WWC1: variants seen among roughly 807,000 people sequenced by gnomAD.
The protein encoded by WWC1 is WW and C2 domain containing 1.
WWC1 carries 55 observed loss-of-function variants against 138.4 expected under a neutral mutation model. The ratio of observed to expected loss-of-function variants is 0.40; its 90% confidence interval spans 0.32 to 0.50. WWC1 has a LOEUF of 0.50. Ranked by LOEUF, WWC1 falls within the 20% of genes least tolerant of loss-of-function variation. The pLI is 0.72. For missense variants in WWC1, 1,226 were observed against 1,420.4 expected, an observed-to-expected ratio of 0.86 and a Z score of 2.20; for synonymous variants, 524 against 564.9, an observed-to-expected ratio of 0.93 and a Z score of 1.03.
intron 3 of WWC1, among the ~76,000 whole-genome samples, chr5:168,393,326 A>G (rs760156303): frequency 1.8e-4 from 27 of 152,196 alleles, no homozygotes; most frequent in Non-Finnish European, 3.5e-4. Context: ...CTCACTGTGG[A>G]ACTTCAAACA....
chr5:168,342,703 G>T (rs936551291), intron 1 of WWC1, among the ~76,000 whole-genome samples: 1 of 152,024 alleles, frequency 6.6e-6, no homozygotes, highest in East Asian at 1.9e-4. Flanking sequence ...TCATGGAAAG[G>T]GTAAGAACTC....
chr5:168,310,410 A>G (rs1770965609), intron 1 of WWC1, among the ~76,000 whole-genome samples: 1 of 151,240 alleles, frequency 6.6e-6, no homozygotes, highest in Non-Finnish European at 1.5e-5. Context: ...GTGTGTATAT[A>G]TATATATACA....
intron 17 of WWC1, among the ~76,000 whole-genome samples, chr5:168,451,930 G>C (rs76892012): frequency 0.048 from 6,278 of 129,914 alleles, 487 homozygotes; most frequent in African/African-American, 0.17. Context: ...TTTTGAGGTG[G>C]AGTCTCAGTC....
intron 15 of WWC1, among the ~76,000 whole-genome samples, chr5:168,436,171 C>A (rs1782337997): frequency 6.6e-6 from 1 of 152,122 alleles, no homozygotes; most frequent in South Asian, 2.1e-4. Flanking sequence ...CGAGGGTGTG[C>A]TCTTCATGTT....
rs1444394749 is a variant in WWC1 at position 168,454,808 on chromosome 5, A to AT, written c.2659-545dup. Reference sequence around the variant, plus strand: ...TTTCTTAAAATTATATAAAGGTACTATTTAGGCTGACAAAGGTCCTGCATG... The same window carrying AT: ...TTTCTTAAAATTATATAAAGGTACTATTTTAGGCTGACAAAGGTCCTGCATG... On this transcript the variant is annotated intron_variant, in intron 18 of 22. Transcript: ENST00000265293. 2.0e-5 allele frequency among the ~76,000 whole-genome samples: 3 copies of AT among 152,336 alleles called. No homozygotes were observed. The East Asian group carries it at 5.8e-4, about 29-fold the overall frequency.
chr5:168,304,076 T>C (rs1284196713), intron 1 of WWC1, among the ~76,000 whole-genome samples: 1 of 152,242 alleles, frequency 6.6e-6, no homozygotes, highest in Non-Finnish European at 1.5e-5. Context: ...ATCCATCTCA[T>C]AGAGTTAGTA....
intron 3 of WWC1, among the ~76,000 whole-genome samples, chr5:168,394,283 TA>T (rs1778724053): frequency 6.6e-6 from 1 of 152,214 alleles, no homozygotes; most frequent in African/African-American, 2.4e-5. Context: ...GTTATGGGGA[TA>T]GGGGTTGTGG....
intron 1 of WWC1, among the ~76,000 whole-genome samples, chr5:168,328,569 CGGAGTCTTGCTCTGTCGTCCCAACT>C (rs1429658073): frequency 6.6e-6 from 1 of 151,882 alleles, no homozygotes; most frequent in Non-Finnish European, 1.5e-5. Context: ...TTTATTGAGA[CGGAGTCTTGCTCTGTCGTCCCAACT>C]GGAGTCCAGT....
At chr5:168,308,950 C>G (rs1471711438) in intron 1 of WWC1, among the ~76,000 whole-genome samples, 1 of 152,134 alleles carries the variant, frequency 6.6e-6, no homozygotes, top group Non-Finnish European at 1.5e-5. Context: ...CCTGGTGCCC[C>G]TTTACCTGAA....
intron 8 of WWC1, among the ~76,000 whole-genome samples, chr5:168,413,556 GT>G (rs1227357106): frequency 6.6e-6 from 1 of 152,116 alleles, no homozygotes; most frequent in Non-Finnish European, 1.5e-5. Flanking sequence ...CTGTTATTTA[GT>G]GCCTGCAATA....
chr5:168,404,838 C>T (rs1779658338), intron 5 of WWC1, among the ~76,000 whole-genome samples: 1 of 151,972 alleles, frequency 6.6e-6, no homozygotes, highest in South Asian at 2.1e-4. Context: ...GAAGCTCACC[C>T]CTGCCTGTCT....
chr5:168,425,658 AT>A (rs201393086), intron 11 of WWC1, among the ~76,000 whole-genome samples: 56 of 146,800 alleles, frequency 3.8e-4, no homozygotes, highest in Non-Finnish European at 3.6e-4. Context: ...TGCCTGGCTA[AT>A]TTTTTTTTTT....
At chr5:168,464,622 A>T (rs1227757869) in intron 20 of WWC1, 107 bp from the exon 21 acceptor site, 1 of 1,490,328 alleles carries the variant, frequency 6.7e-7, no homozygotes, top group East Asian at 2.4e-5. Flanking sequence ...CCCATTCGGA[A>T]GGAGTGGATG....
rs187159328 is a variant in WWC1, at chr5:168,308,083, G to A, written c.119+15812G>A. ...CAATAGAACATCCTTCAGAAAGAAT[G>A]TGTGTTTAGGGTTCACTCACTAGAA... On this transcript the variant is annotated intron_variant, in intron 1 of 22. Coordinates refer to ENST00000265293, the MANE Select transcript of WWC1 (RefSeq NM_015238.3). 7.4e-4 allele frequency among the ~76,000 whole-genome samples: 113 copies of A among 152,314 alleles called. 1 individual carries two copies. The highest frequency in any genetic ancestry group is 3.4e-3 in the Middle Eastern group (1 of 294).
chr5:168,368,650 G>T (rs931996522), intron 1 of WWC1, among the ~76,000 whole-genome samples: 1 of 152,180 alleles, frequency 6.6e-6, no homozygotes, highest in African/African-American at 2.4e-5. Context: ...CCCATGGAAG[G>T]CATACCTGCG....
intron 15 of WWC1, among the ~76,000 whole-genome samples, chr5:168,434,978 C>T (rs779485509): frequency 6.6e-6 from 1 of 152,196 alleles, no homozygotes; most frequent in Non-Finnish European, 1.5e-5. Context: ...CTCTCCACCC[C>T]CTCCTCTCCA....
intron 5 of WWC1, among the ~76,000 whole-genome samples, chr5:168,402,654 C>T (rs1779396389): frequency 6.6e-6 from 1 of 152,144 alleles, no homozygotes; most frequent in Non-Finnish European, 1.5e-5. Flanking sequence ...TTTGTCCTGC[C>T]ATATATTACA....
intron 4 of WWC1, among the ~76,000 whole-genome samples, chr5:168,398,213 C>T (rs186030799): frequency 3.0e-4 from 46 of 152,248 alleles, no homozygotes; most frequent in Admixed American, 9.8e-4. Context: ...ACGGCATTCT[C>T]CTGCCTCAGC....
intron 1 of WWC1, among the ~76,000 whole-genome samples, chr5:168,339,905 C>G (rs1581968075): frequency 1.2e-5 from 1 of 81,562 alleles, no homozygotes; most frequent in Non-Finnish European, 2.8e-5. Flanking sequence ...GTCTCTCTCT[C>G]TTTCTCTCTC....
Sources: gnomAD v4.1 joint callset for allele counts (sites outside exome capture counted in the v4.1 genomes callset) on GRCh38, gnomAD v4.1.1 for gene constraint, MANE v1.5 for transcripts, NCBI Gene and HGNC (gene_info 2026-07-23, HGNC 2026-07-21) for gene names.